The following SOX5 variants were observed in gnomAD, a reference collection of about 807,000 sequenced individuals.
SOX5 encodes the protein SRY-box transcription factor 5, also known as transcription factor SOX-5.
In SOX5, 9 loss-of-function variants were observed where a neutral mutation model predicts 92.0. That is an observed-to-expected ratio of 0.10 (90% CI 0.06 to 0.17). SOX5 has a LOEUF of 0.17. Among genes scored for constraint, SOX5 ranks in the 10% least tolerant of loss-of-function variants. SOX5 has a pLI of 1.00. For missense variants in SOX5, 642 were observed against 944.5 expected, an observed-to-expected ratio of 0.68 and a Z score of 4.20; for synonymous variants, 344 against 336.3, an observed-to-expected ratio of 1.02 and a Z score of -0.25.
At chr12:24,553,909 G>C (rs1254975096) in intron 1 of SOX5, among the ~76,000 whole-genome samples, 1 of 152,366 alleles carries the variant, frequency 6.6e-6, no homozygotes, top group African/African-American at 2.4e-5. Context: ...TTTAGTTCCT[G>C]GTTGGATGTG....
At chr12:23,553,523 T>C (rs1256596235) in intron 11 of SOX5, among the ~76,000 whole-genome samples, 3 of 151,958 alleles carry the variant, frequency 2.0e-5, no homozygotes, top group Admixed American at 6.6e-5. Context: ...GGTGTGTACA[T>C]GTGGAAGAAG....
At chr12:23,929,117 T>C (rs1940792903) in intron 1 of SOX5, among the ~76,000 whole-genome samples, 1 of 151,740 alleles carries the variant, frequency 6.6e-6, no homozygotes, top group South Asian at 2.1e-4. Context: ...AAATTAAAAG[T>C]GGAACAATCA....
intron 7 of SOX5, among the ~76,000 whole-genome samples, chr12:23,654,705 A>G (rs1359156370): frequency 6.6e-6 from 1 of 152,126 alleles, no homozygotes. Context: ...GAAATGTGGA[A>G]GATCTGTACA....
At chr12:24,284,206 G>C (rs1047955103) in intron 2 of SOX5, among the ~76,000 whole-genome samples, 2 of 152,172 alleles carry the variant, frequency 1.3e-5, no homozygotes, top group African/African-American at 4.8e-5. Flanking sequence ...ACAGCAGGAG[G>C]GGAGCCACTG....
chr12:24,162,017 G>A (rs923779460), intron 4 of SOX5, among the ~76,000 whole-genome samples: 20 of 152,206 alleles, frequency 1.3e-4, no homozygotes, highest in African/African-American at 4.1e-4. Flanking sequence ...TCTGGGCAAT[G>A]CTGAAGACAT....
At chr12:24,511,504 T>G (rs1490957303) in intron 1 of SOX5, among the ~76,000 whole-genome samples, 1 of 152,224 alleles carries the variant, frequency 6.6e-6, no homozygotes, top group Non-Finnish European at 1.5e-5. Flanking sequence ...AAAGCTTCTA[T>G]GACTTTTTCA....
intron 6 of SOX5, among the ~76,000 whole-genome samples, chr12:23,730,262 T>C (rs949332351): frequency 1.3e-5 from 2 of 152,210 alleles, no homozygotes; most frequent in African/African-American, 2.4e-5. Flanking sequence ...AGATATCTTA[T>C]TCTAAAATAT....
chr12:23,798,162 T>G (rs1226746781), intron 3 of SOX5, among the ~76,000 whole-genome samples: 1 of 152,038 alleles, frequency 6.6e-6, no homozygotes, highest in Non-Finnish European at 1.5e-5. Context: ...TTCATTATAT[T>G]TTTAATCTGA....
intron 4 of SOX5, among the ~76,000 whole-genome samples, chr12:24,160,377 C>T (rs1952630182): frequency 6.6e-6 from 1 of 151,876 alleles, no homozygotes; most frequent in Non-Finnish European, 1.5e-5. Context: ...GGCCTAGTGA[C>T]CAGGAGGATA....
intron 4 of SOX5, among the ~76,000 whole-genome samples, chr12:24,004,909 T>C (rs1951989957): frequency 6.6e-6 from 1 of 152,124 alleles, no homozygotes; most frequent in Admixed American, 6.6e-5. Flanking sequence ...TGTTTATCCA[T>C]TAATAAAATA....
At chr12:23,969,585 T>C (rs1693750663) in intron 4 of SOX5, among the ~76,000 whole-genome samples, 2 of 152,224 alleles carry the variant, frequency 1.3e-5, no homozygotes, top group Admixed American at 1.3e-4. Context: ...TGGAATTGTC[T>C]TTATCCAAAT....
chr12:23,828,373 T>C (rs2096265428), intron 3 of SOX5, among the ~76,000 whole-genome samples: 1 of 152,200 alleles, frequency 6.6e-6, no homozygotes, highest in African/African-American at 2.4e-5. Context: ...TCAGATCTAA[T>C]TATAAAATTC....
At chr12:24,014,737 C>G (rs2136584821) in intron 4 of SOX5, among the ~76,000 whole-genome samples, 1 of 152,090 alleles carries the variant, frequency 6.6e-6, no homozygotes, top group South Asian at 2.1e-4. Flanking sequence ...AAAACTGGAC[C>G]CATAAGTAGC....
At chr12:23,783,323 C>T (rs1329420771) in intron 3 of SOX5, among the ~76,000 whole-genome samples, 2 of 152,094 alleles carry the variant, frequency 1.3e-5, no homozygotes, top group Admixed American at 6.5e-5. Context: ...GTTCGTATAA[C>T]AGTAATTTAA....
chr12:23,835,271 G>T (rs559520585), intron 3 of SOX5, among the ~76,000 whole-genome samples: 124 of 151,836 alleles, frequency 8.2e-4, no homozygotes, highest in Non-Finnish European at 1.5e-3. Context: ...AGCGAGAAAA[G>T]AATATCTGAA....
At chr12:24,247,939 C>A (rs1474892866) in intron 3 of SOX5, among the ~76,000 whole-genome samples, 1 of 152,072 alleles carries the variant, frequency 6.6e-6, no homozygotes, top group Non-Finnish European at 1.5e-5. Context: ...CAGGCGTGAG[C>A]CACGGCACCC....
chr12:24,059,622 T>C (rs1282114622), intron 4 of SOX5, among the ~76,000 whole-genome samples: 1 of 151,998 alleles, frequency 6.6e-6, no homozygotes, highest in Non-Finnish European at 1.5e-5. Context: ...TGTTGCCCCC[T>C]CCCATAGGAA....
chr12:23,755,746 T>C (rs201046352), intron 3 of SOX5, 22 bp from the exon 4 acceptor site: 752 of 1,466,960 alleles, frequency 5.1e-4, no homozygotes, highest in Middle Eastern at 2.8e-3. Flanking sequence ...AAAAAAGAAG[T>C]GAGCAAATCA....
intron 2 of SOX5, among the ~76,000 whole-genome samples, chr12:24,296,833 A>AAG (rs1406654191): frequency 2.0e-5 from 3 of 151,640 alleles, no homozygotes; most frequent in South Asian, 2.1e-4. Context: ...AAAAAAAAAA[A>AAG]AAGTAGTTTG....
Sources: gnomAD v4.1 joint callset for allele counts (sites outside exome capture counted in the v4.1 genomes callset) on GRCh38, gnomAD v4.1.1 for gene constraint, MANE v1.5 for transcripts, NCBI Gene and HGNC (gene_info 2026-07-23, HGNC 2026-07-21) for gene names.